MTHFD1L: variants seen among roughly 807,000 people sequenced by gnomAD.
MTHFD1L encodes methylenetetrahydrofolate dehydrogenase (NADP+ dependent) 1 like.
In MTHFD1L, 81 loss-of-function variants were observed where a neutral mutation model predicts 119.5. The observed-to-expected ratio is 0.68, with a 90% CI of 0.57 to 0.82. The LOEUF is 0.82. Ranked by LOEUF, MTHFD1L falls within the 40% of genes least tolerant of loss-of-function variation. MTHFD1L has a pLI of 0.00. For missense variants in MTHFD1L, 1,125 were observed against 1,253.4 expected, an observed-to-expected ratio of 0.90 and a Z score of 1.55; for synonymous variants, 430 against 475.2, an observed-to-expected ratio of 0.90 and a Z score of 1.24.
chr6:151,058,731 C>T (rs1012537972), intron 26 of MTHFD1L, among the ~76,000 whole-genome samples: 2 of 152,210 alleles, frequency 1.3e-5, no homozygotes, highest in African/African-American at 4.8e-5. Context: ...GACACGTGCA[C>T]ATCAGTCAGG....
At chr6:150,915,823 T>C (rs991771777) in intron 8 of MTHFD1L, among the ~76,000 whole-genome samples, 5 of 152,010 alleles carry the variant, frequency 3.3e-5, no homozygotes, top group Non-Finnish European at 1.5e-5. Context: ...AGGCTGGTCT[T>C]GAACTCCTGA....
At chr6:151,069,251 T>TTCTCTCTCTCTCTCTCTCTC (rs371324778) in intron 26 of MTHFD1L, among the ~76,000 whole-genome samples, 56 of 136,652 alleles carry the variant, frequency 4.1e-4, no homozygotes, top group African/African-American at 1.1e-3. Context: ...TTCTCTCTCT[T>TTCTCTCTCTCTCTCTCTCTC]TCTCTCTCTC....
chr6:151,022,758 A>C (rs1293011184), intron 24 of MTHFD1L, among the ~76,000 whole-genome samples: 2 of 152,156 alleles, frequency 1.3e-5, no homozygotes, highest in Admixed American at 6.5e-5. Context: ...CCTGTTGTGC[A>C]TTAGAATGTT....
chr6:151,099,278 C>T (rs1424462079), intron 27 of MTHFD1L, among the ~76,000 whole-genome samples: 4 of 151,972 alleles, frequency 2.6e-5, no homozygotes, highest in Non-Finnish European at 4.4e-5. Flanking sequence ...CCACCACCCA[C>T]CTCTGGAGCA....
At chr6:150,913,253 C>T (rs564126997) in intron 8 of MTHFD1L, among the ~76,000 whole-genome samples, 167 of 152,166 alleles carry the variant, frequency 1.1e-3, no homozygotes, top group African/African-American at 3.7e-3. Flanking sequence ...CTCCGCCTCC[C>T]GGGTTCACGC....
At chr6:151,033,653 C>T (rs941002717) in intron 24 of MTHFD1L, among the ~76,000 whole-genome samples, 1 of 152,136 alleles carries the variant, frequency 6.6e-6, no homozygotes, top group Non-Finnish European at 1.5e-5. Flanking sequence ...ACATTTCTTC[C>T]ATGCCACATG....
chr6:150,944,916 G>T (rs1291937975), intron 14 of MTHFD1L, among the ~76,000 whole-genome samples: 1 of 152,218 alleles, frequency 6.6e-6, no homozygotes, highest in African/African-American at 2.4e-5. Context: ...TCCAATCTCT[G>T]ATCTGTTCTA....
intron 18 of MTHFD1L, among the ~76,000 whole-genome samples, chr6:150,962,795 G>T (rs1329865279): frequency 1.3e-5 from 2 of 152,118 alleles, no homozygotes; most frequent in Non-Finnish European, 2.9e-5. Flanking sequence ...GTGTAAGCAA[G>T]GATAGTGTAC....
chr6:151,070,289 T>A (rs193186048), intron 26 of MTHFD1L, among the ~76,000 whole-genome samples: 1 of 152,322 alleles, frequency 6.6e-6, no homozygotes, highest in African/African-American at 2.4e-5. Flanking sequence ...CCCTTAGAAG[T>A]CCCCAAAAAT....
intron 18 of MTHFD1L, 120 bp downstream of exon 18, chr6:150,960,535 A>T: frequency 7.7e-7 from 1 of 1,305,374 alleles, no homozygotes; most frequent in Non-Finnish European, 1.0e-6. Flanking sequence ...AAAAGTTTCC[A>T]CACACACATT....
chr6:151,094,958 T>A (rs1794776174), intron 27 of MTHFD1L, among the ~76,000 whole-genome samples: 1 of 152,214 alleles, frequency 6.6e-6, no homozygotes, highest in African/African-American at 2.4e-5. Context: ...GAGGCTTTGT[T>A]GCTAAAACAC....
chr6:150,976,236 C>T (rs1045499828), intron 20 of MTHFD1L, among the ~76,000 whole-genome samples: 4 of 152,140 alleles, frequency 2.6e-5, no homozygotes, highest in African/African-American at 9.7e-5. Context: ...GCTTCGCATG[C>T]TCTTCACTGG....
chr6:150,883,313 G>A (rs1781669318), intron 5 of MTHFD1L, among the ~76,000 whole-genome samples: 1 of 152,200 alleles, frequency 6.6e-6, no homozygotes, highest in Admixed American at 6.5e-5. Context: ...TTACAGGCGT[G>A]AGCCACCGTG....
Position 151,039,168 on chromosome 6 carries a change from G to A in MTHFD1L, c.2847+2051G>A, listed in dbSNP as rs1291362764. Among the ~76,000 whole-genome samples the A allele has an allele frequency of 1.3e-5, 2 of 152,116 alleles. No individual in the cohort carries two copies. Among genetic ancestry groups the A allele is most frequent in the East Asian group, 1.9e-4 (1 of 5,180 alleles). ...CTAGCAGGGGTGCCTTCCAGGAGGC[G>A]GGAAGGAAGGAGCAGCGGCATGGCA... On this transcript the variant is annotated intron_variant, in intron 26 of 27. Transcript: ENST00000367321. The surrounding 1 kb of genome is among the most constrained non-coding windows in gnomAD (Gnocchi z 4.4).
chr6:150,878,378 A>C lies in MTHFD1L; in HGVS notation c.417+552A>C, dbSNP rs1018056309. Among the ~76,000 whole-genome samples, 6 of 151,804 alleles carry C rather than the reference A, an allele frequency of 4.0e-5. No individual in the cohort carries two copies. In the South Asian group the frequency reaches 1.2e-3, roughly 32 times the overall value. ...GCAATTCTCCTGCCTCAGCCTCCTGAGTAGCTGAGATTACAGGTGCGTGCC... is the reference window on the plus strand; with the variant it reads ...GCAATTCTCCTGCCTCAGCCTCCTGCGTAGCTGAGATTACAGGTGCGTGCC... On this transcript the variant is annotated intron_variant, in intron 4 of 27. Coordinates refer to ENST00000367321, the MANE Select transcript of MTHFD1L (RefSeq NM_015440.5).
chr6:151,036,740 A>G (rs1434274547), intron 25 of MTHFD1L, among the ~76,000 whole-genome samples: 2 of 152,184 alleles, frequency 1.3e-5, no homozygotes, highest in African/African-American at 4.8e-5. Flanking sequence ...AGCCTCCAAA[A>G]TAAACAATAG....
intron 8 of MTHFD1L, among the ~76,000 whole-genome samples, chr6:150,906,942 A>G (rs1309023621): frequency 1.3e-5 from 2 of 152,088 alleles, no homozygotes; most frequent in Admixed American, 6.6e-5. Flanking sequence ...CTTTTTAACA[A>G]ACAGAAAGCA....
chr6:150,975,674 G>A (rs865850731), intron 20 of MTHFD1L, among the ~76,000 whole-genome samples: 5 of 152,322 alleles, frequency 3.3e-5, no homozygotes, highest in African/African-American at 7.2e-5. Context: ...GGAAGGGGAA[G>A]GTGGCTGCTT....
chr6:150,926,429 C>A lies in MTHFD1L; in HGVS notation c.1256+134C>A. 1.1e-6 allele frequency: 1 copy of A among 872,184 alleles called. No individual in the cohort carries two copies. The highest frequency in any genetic ancestry group is 1.7e-6 in the Non-Finnish European group (1 of 594,450). 54.0% of individuals were successfully genotyped at this position (872,184 alleles called of 1,614,324 possible). On this transcript the variant is annotated intron_variant, in intron 11 of 27. Coordinates refer to ENST00000367321, the MANE Select transcript of MTHFD1L (RefSeq NM_015440.5). The surrounding 1 kb of genome is among the most constrained non-coding windows in gnomAD (Gnocchi z 4.3). ...ATTTCGTCCATTTCATTTGGCATTT[C>A]TTTATTTGGTGTGAGATAAGTTTTT...
Sources: allele counts gnomAD v4.1 joint callset (sites outside exome capture counted in the v4.1 genomes callset), GRCh38; gene constraint gnomAD v4.1.1; non-coding constraint Gnocchi (gnomAD v3.1); transcripts MANE v1.5; gene names NCBI Gene and HGNC (gene_info 2026-07-23, HGNC 2026-07-21).